Variants in PXDNL observed in about 807,000 individuals in gnomAD.
The protein encoded by PXDNL is peroxidasin like.
A neutral mutation model predicts 150.8 loss-of-function variants in PXDNL; 145 were observed. The ratio of observed to expected loss-of-function variants is 0.96; its 90% CI spans 0.84 to 1.10. PXDNL has a LOEUF of 1.10. Ranked by LOEUF, PXDNL falls within the 50% of genes least tolerant of loss-of-function variation. The pLI, the probability that PXDNL is intolerant of heterozygous loss-of-function variation, is 0.00. For synonymous variants in PXDNL, 757 were observed against 725.7 expected (o/e 1.04, Z -0.69); for missense variants, 2,087 against 1,873.9 (o/e 1.11, Z -2.10).
At chr8:51,788,733 G>A (rs545482370) in intron 1 of PXDNL, among the ~76,000 whole-genome samples, 3 of 152,196 alleles carry the variant, frequency 2.0e-5, no homozygotes, top group Non-Finnish European at 4.4e-5. Context: ...CCCACAGCTC[G>A]TGGTCCCAGT....
chr8:51,375,942 A>G (rs913916345), intron 17 of PXDNL, among the ~76,000 whole-genome samples: 1 of 152,238 alleles, frequency 6.6e-6, no homozygotes, highest in African/African-American at 2.4e-5. Context: ...TATTTACAAA[A>G]TTAGAAAAGT....
In PXDNL at chr8:51,409,526, G is replaced by A. The variant is rs780706932; in HGVS notation, c.2098C>T (p.Leu700Phe). Residue 700 changes from leucine (L) to phenylalanine (F), a missense_variant, in exon 17 of 23, where the codon CTC (leucine) becomes TTC (phenylalanine). Physicochemically the swap from Leu to Phe is conservative, Grantham distance 22. Coordinates refer to ENST00000356297, the MANE Select transcript of PXDNL (RefSeq NM_144651.5). The stretch of plus-strand genomic sequence containing the variant: ...CCAGATAAATTGGCGATGAGGCTGA[G>A]GGAGCGCGGGGACACCAAGTCATTG... ...RYNDLVSPRS[L>F]SLIANLSGCT... 8.7e-6 allele frequency: 14 copies of A among 1,602,924 alleles called. No homozygotes were observed. In the African/African-American group the frequency reaches 1.1e-4, roughly 12 times the overall value.
In PXDNL at chr8:51,578,080, GAA is replaced by G. The variant is rs1310229051; in HGVS notation, c.308+14545_308+14546del. On this transcript the variant is annotated intron_variant, in intron 3 of 22. Transcript: ENST00000356297. Reference sequence around the variant, plus strand: ...AAAGAAAGGAAAGAAAGAAAAGAAAGAAAAAGAGAAAGAAAGAAAGAAAAAGA... The same window carrying G: ...AAAGAAAGGAAAGAAAGAAAAGAAAGAAAGAGAAAGAAAGAAAGAAAAAGA... Among the ~76,000 whole-genome samples the G allele has an allele frequency of 1.9e-4, 23 of 123,038 alleles. 1 individual carries two copies. The highest frequency in any genetic ancestry group is 7.9e-4 in the African/African-American group (22 of 27,890). The allele number at this position is 123,038 out of a possible 152,430, so 80.7% of individuals were successfully genotyped here. A position where few individuals can be genotyped will look rare whatever the true frequency, so the allele number is the denominator to read the frequency against.
rs1811656505 is a variant in PXDNL, at chr8:51,521,228, TGA to T, written c.381-21460_381-21459del. Among the ~76,000 whole-genome samples, 3 of 152,218 alleles carry T rather than the reference TGA, an allele frequency of 2.0e-5. No individual in the cohort carries two copies. In the South Asian group the frequency reaches 6.2e-4, roughly 32 times the overall value. ...CTGCACTGTAGTCTGAGTGACAGAA[TGA>T]GACTCTGTCTCTAAAAATATAAAAA... is the stretch of plus-strand genomic sequence containing the variant. On this transcript the variant is annotated intron_variant, in intron 4 of 22. Coordinates refer to ENST00000356297, the MANE Select transcript of PXDNL (RefSeq NM_144651.5).
chr8:51,524,786 T>C (rs1280899108), intron 4 of PXDNL, among the ~76,000 whole-genome samples: 2 of 152,204 alleles, frequency 1.3e-5, no homozygotes, highest in Non-Finnish European at 2.9e-5. Flanking sequence ...TCAAATTCTC[T>C]TCTGTGGTCA....
intron 1 of PXDNL, among the ~76,000 whole-genome samples, chr8:51,667,065 T>C (rs1815401516): frequency 6.6e-6 from 1 of 152,056 alleles, no homozygotes; most frequent in Admixed American, 6.6e-5. Context: ...CTCATCATCA[T>C]CCCACCCAAT....
chr8:51,380,030 G>A (rs1252683571), intron 17 of PXDNL, among the ~76,000 whole-genome samples: 1 of 151,676 alleles, frequency 6.6e-6, no homozygotes, highest in Non-Finnish European at 1.5e-5. Context: ...TTATATCAGG[G>A]TATCCAATCT....
intron 3 of PXDNL, among the ~76,000 whole-genome samples, chr8:51,566,787 G>A (rs2130577911): frequency 6.7e-6 from 1 of 148,580 alleles, no homozygotes; most frequent in East Asian, 2.0e-4. Flanking sequence ...CACTTTTATT[G>A]ATTTCTGCTC....
chr8:51,391,788 G>A (rs1807918898), intron 17 of PXDNL, among the ~76,000 whole-genome samples: 1 of 152,028 alleles, frequency 6.6e-6, no homozygotes, highest in African/African-American at 2.4e-5. Context: ...ATTGCTTTTG[G>A]TGTTTTAGAC....
chr8:51,512,128 C>T (rs1293394918), intron 4 of PXDNL, among the ~76,000 whole-genome samples: 1 of 152,164 alleles, frequency 6.6e-6, no homozygotes, highest in Non-Finnish European at 1.5e-5. Flanking sequence ...ACAATTTATA[C>T]ACCTACTGAC....
At chr8:51,607,619 T>C (rs1813864999) in intron 2 of PXDNL, among the ~76,000 whole-genome samples, 1 of 149,836 alleles carries the variant, frequency 6.7e-6, no homozygotes, top group Admixed American at 6.6e-5. Context: ...GGTGGGTGGA[T>C]CACCTGAGGT....
At chr8:51,573,901 G>A (rs545459045) in intron 3 of PXDNL, among the ~76,000 whole-genome samples, 14 of 151,984 alleles carry the variant, frequency 9.2e-5, no homozygotes, top group Admixed American at 3.3e-4. Context: ...TTAGTATTTC[G>A]AAGAAAATGA....
At chr8:51,680,562 A>C (rs1281988596) in intron 1 of PXDNL, among the ~76,000 whole-genome samples, 1 of 152,236 alleles carries the variant, frequency 6.6e-6, no homozygotes, top group Admixed American at 6.5e-5. Context: ...TTATTCAGTG[A>C]AACTAAGTCC....
intron 1 of PXDNL, among the ~76,000 whole-genome samples, chr8:51,801,897 G>T (rs756484): frequency 0.69 from 104,518 of 152,124 alleles, 42,385 homozygotes; most frequent in Non-Finnish European, 0.9. Flanking sequence ...GGACCTCTAG[G>T]TTTGTCTCAA....
chr8:51,755,318 G>C (rs1265136942), intron 1 of PXDNL, among the ~76,000 whole-genome samples: 1 of 149,388 alleles, frequency 6.7e-6, no homozygotes, highest in Non-Finnish European at 1.5e-5. Flanking sequence ...TTTTGAGACA[G>C]AGTCTCGCTG....
intron 9 of PXDNL, among the ~76,000 whole-genome samples, chr8:51,456,940 A>C (rs1385948603): frequency 6.6e-6 from 1 of 152,200 alleles, no homozygotes; most frequent in Non-Finnish European, 1.5e-5. Flanking sequence ...CTATCATCTA[A>C]TAGATGATGG....
At chr8:51,728,636 TAAAG>T (rs946171985) in intron 1 of PXDNL, among the ~76,000 whole-genome samples, 1 of 151,838 alleles carries the variant, frequency 6.6e-6, no homozygotes, top group African/African-American at 2.4e-5. Flanking sequence ...AATAAGGAGA[TAAAG>T]AGAGAAAATA....
chr8:51,794,594 T>C lies in PXDNL; in HGVS notation c.164+14587A>G, dbSNP rs185365194. The stretch of plus-strand genomic sequence containing the variant: ...AAGCAAAGGAGAAATAAAATCCTTT[T>C]CAGACATGCAAATTCTGAGGGAATT... On this transcript the variant is annotated intron_variant, in intron 1 of 22. Coordinates refer to ENST00000356297, the MANE Select transcript of PXDNL (RefSeq NM_144651.5). 1.3e-3 allele frequency among the ~76,000 whole-genome samples: 200 copies of C among 152,270 alleles called. 1 individual carries two copies. The highest frequency in any genetic ancestry group is 4.5e-3 in the African/African-American group (185 of 41,542).
chr8:51,412,071 A>G (rs1245008428), intron 15 of PXDNL, among the ~76,000 whole-genome samples: 1 of 152,210 alleles, frequency 6.6e-6, no homozygotes, highest in African/African-American at 2.4e-5. Context: ...TGACCAGCAC[A>G]TAATAGCAGT....
Sources: allele counts gnomAD v4.1 joint callset (sites outside exome capture counted in the v4.1 genomes callset), GRCh38; gene constraint gnomAD v4.1.1; transcripts MANE v1.5; gene names NCBI Gene and HGNC (gene_info 2026-07-23, HGNC 2026-07-21).